Variants in RAD51B observed in about 807,000 individuals in gnomAD.
RAD51B encodes the protein RAD51 paralog B, also known as DNA repair protein RAD51 homolog 2.
In RAD51B, 38 loss-of-function variants were observed where a neutral mutation model predicts 42.2. The ratio of observed to expected loss-of-function variants is 0.90; its 90% CI spans 0.70 to 1.18. The LOEUF is 1.18. RAD51B is among the 50% of genes most tolerant of loss of function. The pLI, the probability that RAD51B is intolerant of heterozygous loss-of-function variation, is 0.00. For missense variants in RAD51B, 373 were observed against 400.7 expected (o/e 0.93, Z 0.59); for synonymous variants, 154 against 145.2 (o/e 1.06, Z -0.43).
chr14:68,655,389 G>A (rs536904310), intron 11 of RAD51B, among the ~76,000 whole-genome samples: 63 of 152,254 alleles, frequency 4.1e-4, no homozygotes, highest in Admixed American at 4.1e-3. Flanking sequence ...GATGGGGGAG[G>A]GGAGGGGCTC....
intron 7 of RAD51B, among the ~76,000 whole-genome samples, chr14:68,049,151 T>C (rs992799514): frequency 1.3e-5 from 2 of 151,152 alleles, no homozygotes; most frequent in Admixed American, 1.3e-4. Flanking sequence ...AGGTGGGAAT[T>C]GAACAATGAG....
At chr14:68,549,224 C>T (rs1308034088) in intron 10 of RAD51B, among the ~76,000 whole-genome samples, 1 of 151,704 alleles carries the variant, frequency 6.6e-6, no homozygotes, top group African/African-American at 2.4e-5. Context: ...CGTTTTTGAG[C>T]CACAGTCTAT....
At chr14:68,423,675 C>T (rs1168916218) in intron 9 of RAD51B, among the ~76,000 whole-genome samples, 1 of 152,166 alleles carries the variant, frequency 6.6e-6, no homozygotes, top group East Asian at 1.9e-4. Context: ...ATTATTCATG[C>T]ATGTTACTTG....
intron 8 of RAD51B, among the ~76,000 whole-genome samples, chr14:68,402,011 GA>G (rs1442533873): frequency 6.6e-6 from 1 of 152,116 alleles, no homozygotes; most frequent in Non-Finnish European, 1.5e-5. Flanking sequence ...CTGACCTATA[GA>G]CCATTGTCAA....
intron 7 of RAD51B, among the ~76,000 whole-genome samples, chr14:68,078,123 A>T (rs2076862464): frequency 6.6e-6 from 1 of 152,218 alleles, no homozygotes; most frequent in Non-Finnish European, 1.5e-5. Context: ...ATCCAATTAT[A>T]GTCTTTATTT....
intron 3 of RAD51B, among the ~76,000 whole-genome samples, chr14:67,825,880 G>A (rs1451488573): frequency 6.6e-6 from 1 of 152,000 alleles, no homozygotes; most frequent in Non-Finnish European, 1.5e-5. Flanking sequence ...CAGGCACGGT[G>A]CTACCAAGCC....
intron 10 of RAD51B, among the ~76,000 whole-genome samples, chr14:68,537,739 C>A (rs553652613): frequency 6.6e-6 from 1 of 152,120 alleles, no homozygotes; most frequent in Non-Finnish European, 1.5e-5. Context: ...CACATATATG[C>A]TCCCTTTGAT....
intron 7 of RAD51B, among the ~76,000 whole-genome samples, chr14:68,128,525 T>C (rs1225894285): frequency 1.3e-5 from 2 of 152,136 alleles, no homozygotes; most frequent in African/African-American, 4.8e-5. Flanking sequence ...ACCCCATCTC[T>C]ACCAGAAAAT....
chr14:68,250,159 G>A (rs2080590933), intron 7 of RAD51B, among the ~76,000 whole-genome samples: 2 of 152,188 alleles, frequency 1.3e-5, no homozygotes, highest in Non-Finnish European at 2.9e-5. Flanking sequence ...CATCCATTCT[G>A]AATTATTTAT....
At chr14:68,532,388 A>T (rs1330582205) in intron 10 of RAD51B, among the ~76,000 whole-genome samples, 1 of 152,212 alleles carries the variant, frequency 6.6e-6, no homozygotes, top group Non-Finnish European at 1.5e-5. Context: ...AGAATTATAA[A>T]GAGAACATAA....
chr14:68,182,646 T>C (rs909455321), intron 7 of RAD51B, among the ~76,000 whole-genome samples: 2 of 152,206 alleles, frequency 1.3e-5, no homozygotes, highest in Non-Finnish European at 1.5e-5. Flanking sequence ...CAGAGAGATG[T>C]TTAATTTCCT....
chr14:68,072,912 C>T (rs770900699), intron 7 of RAD51B, among the ~76,000 whole-genome samples: 5 of 152,040 alleles, frequency 3.3e-5, no homozygotes, highest in Non-Finnish European at 7.4e-5. Context: ...GGTATAATTT[C>T]GGTTTTTAAA....
At chr14:68,504,992 A>C (rs1594922290) in intron 10 of RAD51B, among the ~76,000 whole-genome samples, 1 of 152,222 alleles carries the variant, frequency 6.6e-6, no homozygotes, top group African/African-American at 2.4e-5. Flanking sequence ...AGCAGCTGAA[A>C]TCCATAGTAT....
intron 7 of RAD51B, among the ~76,000 whole-genome samples, chr14:68,001,669 A>G (rs2075485464): frequency 6.6e-6 from 1 of 152,070 alleles, no homozygotes; most frequent in South Asian, 2.1e-4. Context: ...AGCATCTGTT[A>G]GCTATTCTTC....
intron 7 of RAD51B, among the ~76,000 whole-genome samples, chr14:68,087,165 C>T (rs1044662099): frequency 6.6e-6 from 1 of 151,726 alleles, no homozygotes; most frequent in Non-Finnish European, 1.5e-5. Context: ...AGAGAGATGC[C>T]TGTGACAGCC....
At chr14:68,479,533 CCA>C (rs1264075773), downstream of RAD51B, among the ~76,000 whole-genome samples, 1 of 152,166 alleles carries the variant, frequency 6.6e-6, no homozygotes, top group African/African-American at 2.4e-5. Context: ...TAAATTTCCC[CCA>C]GTTTATTCCC....
At chr14:68,673,523 C>T (rs62650186) in intron 11 of RAD51B, among the ~76,000 whole-genome samples, 82,902 of 150,290 alleles carry the variant, frequency 0.55, 23,787 homozygotes, top group African/African-American at 0.72. Flanking sequence ...CACATATGTA[C>T]GCGCACACAC....
chr14:68,457,087 A>G (rs1033616778), intron 9 of RAD51B, among the ~76,000 whole-genome samples: 45 of 151,398 alleles, frequency 3.0e-4, no homozygotes, highest in Middle Eastern at 3.4e-3. Flanking sequence ...TAATTTTTGT[A>G]TGTTTAGTAG....
At chr14:68,512,514 G>T (rs1218382214) in intron 10 of RAD51B, among the ~76,000 whole-genome samples, 2 of 152,178 alleles carry the variant, frequency 1.3e-5, no homozygotes, top group Non-Finnish European at 2.9e-5. Context: ...TGTTTCTCAT[G>T]GTTCAGCATC....
Sources: allele counts gnomAD v4.1 joint callset (sites outside exome capture counted in the v4.1 genomes callset), GRCh38; gene constraint gnomAD v4.1.1; transcripts MANE v1.5; gene names NCBI Gene and HGNC (gene_info 2026-07-23, HGNC 2026-07-21).